Variants in GON4L observed in about 807,000 individuals in gnomAD.
The protein encoded by GON4L is GON-4-like protein.
A neutral mutation model predicts 211.8 loss-of-function variants in GON4L; 87 were observed. The ratio of observed to expected loss-of-function variants is 0.41; its 90% CI spans 0.35 to 0.49. GON4L has a LOEUF of 0.49. Among genes scored for constraint, GON4L ranks in the 20% least tolerant of loss-of-function variants. The pLI is 0.15. For missense variants in GON4L, 2,155 were observed against 2,659.5 expected (o/e 0.81, Z 4.17); for synonymous variants, 875 against 962.6 (o/e 0.91, Z 1.68).
At chr1:155,831,110 T>C (rs1669718495) in intron 2 of GON4L, among the ~76,000 whole-genome samples, 1 of 151,692 alleles carries the variant, frequency 6.6e-6, no homozygotes, top group Non-Finnish European at 1.5e-5. Flanking sequence ...ACCAGCCTGG[T>C]TAATGTGGTG....
chr1:155,858,636 G>GT (rs60054192), upstream of GON4L, among the ~76,000 whole-genome samples: 7,728 of 107,882 alleles, frequency 0.072, 656 homozygotes, highest in African/African-American at 0.2. Flanking sequence ...TTCATTAGTT[G>GT]TTTTTTTTTT....
At position 155,853,330 on chromosome 1, in the gene GON4L, T is replaced by C; in HGVS notation, c.451A>G (p.Thr151Ala). The change falls in exon 2 of 32, where the codon ACC (threonine) becomes GCC (alanine). Residue 151 changes from threonine (T) to alanine (A), a missense_variant. By Grantham distance (58) the Thr-to-Ala change is moderately conservative. Around this residue, in one of 6 missense-constraint regions of GON4L, gnomAD observed 313 missense variants for 293.2 expected, o/e 1.07. Coordinates refer to ENST00000368331, the MANE Select transcript of GON4L (RefSeq NM_001282860.2). Reference sequence around the variant, plus strand: ...TCTCCTGAAAAAGGCTCCTTTAGGGTAAGATGATCACATCTGTCTTCTTGG... The same window carrying C: ...TCTCCTGAAAAAGGCTCCTTTAGGGCAAGATGATCACATCTGTCTTCTTGG... Reference protein sequence around the residue: ...VTQEDRCDHLTLKEPFSGEPS... With the variant: ...VTQEDRCDHLALKEPFSGEPS... 1 of 1,614,034 alleles carries C rather than the reference T, an allele frequency of 6.2e-7. No individual in the cohort carries two copies. Among genetic ancestry groups the C allele is most frequent in the Non-Finnish European group, 8.5e-7 (1 of 1,179,900 alleles).
chr1:155,805,151 G>A lies in GON4L; in HGVS notation c.1453-10C>T. 3.1e-6 allele frequency: 5 copies of A among 1,603,674 alleles called. No individual in the cohort carries two copies. The highest frequency in any genetic ancestry group is 4.3e-6 in the Non-Finnish European group (5 of 1,170,584). On this transcript the variant is annotated splice_polypyrimidine_tract_variant and intron_variant, in intron 10 of 31. Transcript: ENST00000368331. ...GACTGTCATCCATGGGCTGGACAAT[G>A]GAGAAAGAAAAGTCACTGAGTGAGT...
chr1:155,781,616 C>T (rs893291455), intron 14 of GON4L, among the ~76,000 whole-genome samples: 1 of 151,962 alleles, frequency 6.6e-6, no homozygotes, highest in Admixed American at 6.6e-5. Context: ...GCGAGTGCTA[C>T]CATGCCTGGC....
intron 2 of GON4L, among the ~76,000 whole-genome samples, chr1:155,835,298 A>C (rs190976328): frequency 6.6e-6 from 1 of 152,210 alleles, no homozygotes; most frequent in East Asian, 1.9e-4. Flanking sequence ...ACCACTCCCT[A>C]ATCTCAAGGA....
chr1:155,799,088 A>G, intron 11 of GON4L, among the ~76,000 whole-genome samples: 1 of 152,092 alleles, frequency 6.6e-6, no homozygotes, highest in African/African-American at 2.4e-5. Context: ...CACCCATCCT[A>G]ATCATTGGCT....
intron 12 of GON4L, among the ~76,000 whole-genome samples, chr1:155,787,888 G>A (rs907379797): frequency 6.6e-6 from 1 of 152,198 alleles, no homozygotes; most frequent in Non-Finnish European, 1.5e-5. Flanking sequence ...AGGCTACGCT[G>A]ACCAGAGATA....
At chr1:155,772,688 A>C (rs1034544868) in intron 18 of GON4L, among the ~76,000 whole-genome samples, 1 of 151,932 alleles carries the variant, frequency 6.6e-6, no homozygotes, top group African/African-American at 2.4e-5. Flanking sequence ...TGATGTCAGG[A>C]GTTCAAGGCT....
chr1:155,751,226 A>T (rs1184873135), intron 31 of GON4L, among the ~76,000 whole-genome samples: 1 of 152,180 alleles, frequency 6.6e-6, no homozygotes, highest in Non-Finnish European at 1.5e-5. Context: ...ACTCCTAAAA[A>T]CAAAACTGGA....
rs201050850 is a variant in GON4L, at chr1:155,804,972, A to G, written c.1622T>C (p.Met541Thr). Residue 541 changes from methionine to threonine, a missense_variant, in exon 11 of 32, where the codon ATG (methionine) becomes ACG (threonine). Met to Thr is a moderately conservative substitution (Grantham distance 81, BLOSUM62 -1). Coordinates refer to ENST00000368331, the MANE Select transcript of GON4L (RefSeq NM_001282860.2). ...EDWKMWLGGL[M>T]NDDVGNEDEA... ...ACCTTCATTCCCCACATCATCATTC[A>G]TAAGTCCCCCCAGCCACATCTTCCA... 5.9e-5 allele frequency: 96 copies of G among 1,613,858 alleles called. No homozygotes were observed. The highest frequency in any genetic ancestry group is 4.5e-4 in the East Asian group (20 of 44,884).
rs761706430 is a variant in GON4L at position 155,816,267 on chromosome 1, C to A, written c.1015-5G>T. 4.1e-6 allele frequency: 5 copies of A among 1,224,198 alleles called. No individual in the cohort carries two copies. The highest frequency in any genetic ancestry group is 6.0e-6 in the Non-Finnish European group (5 of 826,996). The allele number at this position is 1,224,198 out of a possible 1,614,324, so 75.8% of individuals were successfully genotyped here. ...AATATTCCATGTTGGAATTACCTACCAACAAAGAATATAAATAATTAAGTT... is the reference window on the plus strand; with the variant it reads ...AATATTCCATGTTGGAATTACCTACAAACAAAGAATATAAATAATTAAGTT... On this transcript the variant is annotated splice_region_variant and splice_polypyrimidine_tract_variant and intron_variant, in intron 6 of 31. Transcript: ENST00000368331.
intron 9 of GON4L, among the ~76,000 whole-genome samples, 154 bp from the exon 10 acceptor site, chr1:155,813,958 C>T (rs1210038596): frequency 6.6e-6 from 1 of 152,184 alleles, no homozygotes; most frequent in East Asian, 1.9e-4. Context: ...AACAAAGACA[C>T]CAAGTGTATT....
intron 29 of GON4L, 37 bp from the exon 30 acceptor site, chr1:155,752,627 G>A: frequency 1.3e-6 from 2 of 1,557,966 alleles, no homozygotes; most frequent in South Asian, 1.2e-5. Flanking sequence ...GTACTGTCAG[G>A]TTCAAGATGC....
At chr1:155,748,249 G>T, downstream of GON4L, 1 of 1,223,174 alleles carries the variant, frequency 8.2e-7, no homozygotes, top group Non-Finnish European at 1.1e-6. Flanking sequence ...CTGTGATGTG[G>T]CCTCTCAGAT....
chr1:155,793,979 T>C (rs1268499152), intron 12 of GON4L, among the ~76,000 whole-genome samples: 1 of 152,180 alleles, frequency 6.6e-6, no homozygotes, highest in Admixed American at 6.6e-5. Context: ...CCTCCAGTCT[T>C]GTTCACTTTA....
At position 155,805,087 on chromosome 1, in the gene GON4L, C is replaced by A; in HGVS notation, c.1507G>T (p.Asp503Tyr). 1 of 1,613,790 alleles carries A rather than the reference C, an allele frequency of 6.2e-7. No homozygotes were observed. Among genetic ancestry groups the A allele is most frequent in the Non-Finnish European group, 8.5e-7 (1 of 1,179,736 alleles). The change falls in exon 11 of 32, where the codon GAT becomes TAT. Residue 503 changes from aspartate to tyrosine, a missense_variant. Around this residue, in one of 6 missense-constraint regions of GON4L, gnomAD observed 551 missense variants for 854.0 expected, o/e 0.65. Transcript: ENST00000368331. ...GCCTCTAATTGGCCCAGGGGAACAT[C>A]TTTCAGGGGCATCTTAGAACGCGTT... ...FRTRSKMPLKDVPLGQLEAEL... is the reference protein window; with the variant it reads ...FRTRSKMPLKYVPLGQLEAEL...
intron 5 of GON4L, 79 bp from the exon 6 acceptor site, chr1:155,820,735 A>G: frequency 9.5e-7 from 1 of 1,054,876 alleles, no homozygotes; most frequent in Non-Finnish European, 1.5e-6. Context: ...TAATCCTAGC[A>G]CTTTAGGGGC....
intron 23 of GON4L, among the ~76,000 whole-genome samples, chr1:155,761,080 A>G (rs1661737217): frequency 6.6e-6 from 1 of 151,674 alleles, no homozygotes; most frequent in South Asian, 2.1e-4. Flanking sequence ...CATTGCCAGT[A>G]TTCTGCTTTC....
chr1:155,754,904 T>C (rs1005011363), intron 27 of GON4L, among the ~76,000 whole-genome samples: 5 of 99,630 alleles, frequency 5.0e-5, no homozygotes, highest in African/African-American at 1.7e-4. Context: ...CTCCCCATGC[T>C]TTTTTTTTTT....
Sources: gnomAD v4.1 joint callset for allele counts (sites outside exome capture counted in the v4.1 genomes callset) on GRCh38, gnomAD v4.1.1 for gene constraint, gnomAD v4.1.1 regional missense constraint, MANE v1.5 for transcripts, NCBI Gene and HGNC (gene_info 2026-07-23, HGNC 2026-07-21) for gene names.